Variants in BMPR2 observed in about 807,000 individuals in gnomAD.
BMPR2 encodes the protein bone morphogenetic protein receptor type-2.
A neutral mutation model predicts 100.8 loss-of-function variants in BMPR2; 29 were observed. The ratio of observed to expected loss-of-function variants is 0.29; its 90% CI spans 0.21 to 0.39. The LOEUF is 0.39. BMPR2 is among the 10% of genes least tolerant of loss of function. The pLI, the probability that BMPR2 is intolerant of heterozygous loss-of-function variation, is 1.00. For missense variants in BMPR2, 1,011 were observed against 1,274.5 expected, an observed-to-expected ratio of 0.79 and a Z score of 3.15; for synonymous variants, 382 against 442.3, an observed-to-expected ratio of 0.86 and a Z score of 1.71.
intron 1 of BMPR2, among the ~76,000 whole-genome samples, chr2:202,434,188 T>A (rs1247179018): frequency 6.6e-6 from 1 of 150,530 alleles, no homozygotes; most frequent in African/African-American, 2.5e-5. Flanking sequence ...TTCAATGGAA[T>A]TTTTAAACAA....
chr2:202,534,426 C>G (rs1034281424), intron 9 of BMPR2, among the ~76,000 whole-genome samples: 2 of 151,638 alleles, frequency 1.3e-5, no homozygotes, highest in African/African-American at 4.8e-5. Flanking sequence ...GTGTTTGTGT[C>G]CCTGGGTACT....
At chr2:202,474,879 G>GA (rs1159690398) in intron 3 of BMPR2, 1 of 151,996 alleles carries the variant, frequency 6.6e-6, no homozygotes, top group African/African-American at 2.4e-5. Flanking sequence ...TTTAAAATGA[G>GA]AATATATTCA....
intron 1 of BMPR2, among the ~76,000 whole-genome samples, chr2:202,418,373 C>T (rs1240717753): frequency 6.6e-6 from 1 of 152,176 alleles, no homozygotes; most frequent in African/African-American, 2.4e-5. Flanking sequence ...GTAAAGGCAT[C>T]TGTAAATTTA....
chr2:202,513,893 C>G (rs7575056), intron 4 of BMPR2, 64 bp downstream of exon 4: 3 of 1,291,344 alleles, frequency 2.3e-6, no homozygotes, highest in Non-Finnish European at 2.2e-6. Flanking sequence ...TTTATTTGCT[C>G]CTTTTAAATT....
intron 1 of BMPR2, among the ~76,000 whole-genome samples, chr2:202,390,648 C>T (rs1181354553): frequency 6.6e-6 from 1 of 151,870 alleles, no homozygotes; most frequent in Non-Finnish European, 1.5e-5. Flanking sequence ...CTCCCATTTT[C>T]TTATACCTTT....
intron 3 of BMPR2, among the ~76,000 whole-genome samples, chr2:202,511,185 A>G (rs576488211): frequency 1.3e-5 from 2 of 152,184 alleles, no homozygotes; most frequent in East Asian, 3.9e-4. Context: ...CCTGGCAACT[A>G]CTAACCTGCT....
intron 7 of BMPR2, among the ~76,000 whole-genome samples, chr2:202,525,969 A>C (rs559668492): frequency 3.0e-4 from 44 of 146,596 alleles, no homozygotes; most frequent in South Asian, 6.5e-4. Context: ...GGGTTCAAGC[A>C]ATTCTCCTGC....
intron 7 of BMPR2, 87 bp from the exon 8 acceptor site, chr2:202,530,704 AAAT>A: frequency 8.2e-7 from 1 of 1,221,112 alleles, no homozygotes; most frequent in South Asian, 1.5e-5. Flanking sequence ...ATGGGCAGAA[AAAT>A]AATACTACTT....
intron 11 of BMPR2, among the ~76,000 whole-genome samples, chr2:202,553,984 C>T (rs550288443): frequency 6.6e-6 from 1 of 152,280 alleles, no homozygotes; most frequent in East Asian, 1.9e-4. Context: ...TGTGAGCCAC[C>T]GTGCCCGGCC....
intron 7 of BMPR2, among the ~76,000 whole-genome samples, chr2:202,528,887 A>G (rs935415948): frequency 1.3e-5 from 2 of 152,198 alleles, no homozygotes; most frequent in African/African-American, 2.4e-5. Context: ...ACTGAATTCT[A>G]TCCTTCCCAG....
intron 1 of BMPR2, among the ~76,000 whole-genome samples, chr2:202,398,902 G>A (rs999711813): frequency 3.3e-5 from 5 of 152,174 alleles, no homozygotes; most frequent in Admixed American, 1.3e-4. Context: ...GCCGAGGTGG[G>A]CAGATCACCT....
intron 1 of BMPR2, among the ~76,000 whole-genome samples, chr2:202,402,874 G>A (rs1438151852): frequency 1.3e-5 from 2 of 151,484 alleles, no homozygotes; most frequent in South Asian, 4.2e-4. Flanking sequence ...TGTCGTCTAG[G>A]CTGGAGTGCA....
intron 1 of BMPR2, among the ~76,000 whole-genome samples, chr2:202,413,282 AGT>A (rs1045628776): frequency 6.6e-6 from 1 of 152,168 alleles, no homozygotes; most frequent in Non-Finnish European, 1.5e-5. Flanking sequence ...TGGTGTTCTA[AGT>A]GCAAGAAAGC....
At chr2:202,431,400 A>G (rs1474344136) in intron 1 of BMPR2, among the ~76,000 whole-genome samples, 1 of 150,734 alleles carries the variant, frequency 6.6e-6, no homozygotes. Context: ...GAGCCTGGTC[A>G]ATTAAACCTC....
intron 12 of BMPR2, among the ~76,000 whole-genome samples, chr2:202,557,757 TAA>T (rs1688607154): frequency 6.6e-6 from 1 of 152,166 alleles, no homozygotes; most frequent in Admixed American, 6.5e-5. Context: ...CATTGATAAT[TAA>T]AAAGTCAGTG....
chr2:202,478,779 T>G (rs1435873788), intron 3 of BMPR2, among the ~76,000 whole-genome samples: 5 of 151,808 alleles, frequency 3.3e-5, no homozygotes, highest in Non-Finnish European at 7.4e-5. Context: ...ACAAAAAGAT[T>G]AGCCAGTTGT....
chr2:202,457,561 T>TATAGAG (rs750336398), intron 1 of BMPR2, among the ~76,000 whole-genome samples: 8 of 94,842 alleles, frequency 8.4e-5, no homozygotes, highest in Non-Finnish European at 1.2e-4. Flanking sequence ...TATATATATA[T>TATAGAG]AGAGAGAGAG....
At chr2:202,438,490 T>G (rs1373025042) in intron 1 of BMPR2, among the ~76,000 whole-genome samples, 1 of 150,414 alleles carries the variant, frequency 6.6e-6, no homozygotes, top group African/African-American at 2.5e-5. Flanking sequence ...TATTTTTCCT[T>G]TTGTTGTGCT....
chr2:202,464,849 G>C lies in BMPR2; in HGVS notation c.117G>C (p.Pro39=). The change falls in exon 2 of 13, where the codon CCG becomes CCC. Residue 39 remains proline (P), a synonymous_variant. Transcript: ENST00000374580. The part of the protein sequence containing the change: ...NQERLCAFKD[P]YQQDLGIGES... Reference sequence around the variant, plus strand: ...AACGGCTATGTGCGTTTAAAGATCCGTATCAGCAAGACCTTGGGATAGGTG... The same window carrying C: ...AACGGCTATGTGCGTTTAAAGATCCCTATCAGCAAGACCTTGGGATAGGTG... 1 of 1,613,922 alleles carries C rather than the reference G, an allele frequency of 6.2e-7. No individual in the cohort carries two copies. The highest frequency in any genetic ancestry group is 8.5e-7 in the Non-Finnish European group (1 of 1,179,950).
Sources: allele counts gnomAD v4.1 joint callset (sites outside exome capture counted in the v4.1 genomes callset), GRCh38; gene constraint gnomAD v4.1.1; transcripts MANE v1.5; gene names NCBI Gene and HGNC (gene_info 2026-07-23, HGNC 2026-07-21).